The following ZNF76 variants were observed in gnomAD, a reference collection of about 807,000 sequenced individuals.
ZNF76 encodes zinc finger protein 76.
A neutral mutation model predicts 66.9 loss-of-function variants in ZNF76; 66 were observed. The ratio of observed to expected loss-of-function variants is 0.99; its 90% CI spans 0.81 to 1.21. The LOEUF (loss-of-function observed/expected upper bound fraction) is 1.21. ZNF76 is among the 50% of genes most tolerant of loss of function. ZNF76 has a pLI of 0.00. For synonymous variants in ZNF76, 275 were observed against 296.1 expected (o/e 0.93, Z 0.73); for missense variants, 729 against 760.3 (o/e 0.96, Z 0.48).
intron 1 of ZNF76, among the ~76,000 whole-genome samples, chr6:35,272,071 C>T (rs533483034): frequency 3.3e-5 from 5 of 152,294 alleles, no homozygotes; most frequent in South Asian, 4.1e-4. Flanking sequence ...TGCCACTGCA[C>T]TCCAGCCTGG....
At chr6:35,293,649 TA>T in intron 11 of ZNF76, 101 bp from the exon 12 acceptor site, 1 of 1,410,000 alleles carries the variant, frequency 7.1e-7, no homozygotes, top group Admixed American at 2.0e-5. Context: ...GACATGAAAC[TA>T]ATAAGCTGAC....
intron 1 of ZNF76, among the ~76,000 whole-genome samples, chr6:35,272,509 G>GTGTGTGTGTGTGTGTA (rs1357691368): frequency 1.1e-4 from 12 of 112,376 alleles, no homozygotes; most frequent in African/African-American, 2.8e-4. Flanking sequence ...GTGTGTGTGT[G>GTGTGTGTGTGTGTGTA]TGTATGTATA....
chr6:35,287,711 C>G lies in ZNF76; in HGVS notation c.298C>G (p.His100Asp). Reference protein sequence around the residue: ...LEDGSTAYIHHPVAVPSESTI... With the variant: ...LEDGSTAYIHDPVAVPSESTI... ...AGATGGCTCCACTGCCTACATTCAC[C>G]ACCCTGTGGCTGTGCCATCGGAGAG... The change falls in exon 5 of 14, where the codon CAC (histidine) becomes GAC (aspartate). Residue 100 changes from histidine (H) to aspartate (D), a missense_variant. His to Asp is a moderately conservative substitution (Grantham distance 81). Transcript: ENST00000373953. The surrounding 1 kb of genome is among the most constrained non-coding windows in gnomAD (Gnocchi z 4.0). The G allele has an allele frequency of 6.2e-7, 1 of 1,614,236 alleles. No homozygotes were observed. The highest frequency in any genetic ancestry group is 8.5e-7 in the Non-Finnish European group (1 of 1,180,020).
At chr6:35,275,957 G>A (rs1353834111) in intron 1 of ZNF76, among the ~76,000 whole-genome samples, 3 of 152,146 alleles carry the variant, frequency 2.0e-5, no homozygotes, top group Non-Finnish European at 4.4e-5. Context: ...AGGAAGAAGT[G>A]CGCCAGATAT....
chr6:35,280,080 C>G (rs542972746), intron 1 of ZNF76, among the ~76,000 whole-genome samples: 9 of 152,216 alleles, frequency 5.9e-5, no homozygotes, highest in Non-Finnish European at 1.3e-4. Flanking sequence ...ATCCTCCTGC[C>G]TCAGCCTCCC....
intron 7 of ZNF76, chr6:35,290,922 G>C (rs1790289283): frequency 3.3e-6 from 2 of 614,268 alleles, no homozygotes; most frequent in African/African-American, 1.8e-5. Flanking sequence ...GAGCCTGGAG[G>C]GTTGGTGGAG....
chr6:35,291,555 T>G lies in ZNF76; in HGVS notation c.752-3T>G. 6.2e-7 allele frequency: 1 copy of G among 1,611,304 alleles called. No individual in the cohort carries two copies. Among genetic ancestry groups the G allele is most frequent in the Non-Finnish European group, 8.5e-7 (1 of 1,177,668 alleles). On this transcript the variant is annotated splice_polypyrimidine_tract_variant and splice_region_variant and intron_variant, in intron 8 of 13. Coordinates refer to ENST00000373953, the MANE Select transcript of ZNF76 (RefSeq NM_003427.5). ...CCCTCCTCACATCCCACCATTTGCA[T>G]AGGTGAACGCCCGTTCCAGTGCCCT...
chr6:35,292,261 C>T lies in ZNF76; in HGVS notation c.932-293C>T. ...CTGCTGTTCACCATTCTCAACCTCC[C>T]ACCCTCAACCTTATAAGCCCCAGTG... On this transcript the variant is annotated intron_variant, in intron 9 of 13. Coordinates refer to ENST00000373953, the MANE Select transcript of ZNF76 (RefSeq NM_003427.5). The surrounding 1 kb of genome is among the most constrained non-coding windows in gnomAD (Gnocchi z 4.7). 1 of 501,604 alleles carries T rather than the reference C, an allele frequency of 2.0e-6. No homozygotes were observed. The highest frequency in any genetic ancestry group is 5.4e-4 in the Middle Eastern group (1 of 1,846). 31.1% of individuals were successfully genotyped at this position (501,604 alleles called of 1,614,324 possible). A position where few individuals can be genotyped will look rare whatever the true frequency, so the allele number is the denominator to read the frequency against.
intron 1 of ZNF76, among the ~76,000 whole-genome samples, chr6:35,262,472 C>T (rs1347175246): frequency 1.3e-5 from 2 of 152,140 alleles, no homozygotes; most frequent in African/African-American, 2.4e-5. Context: ...GAATCTTTGA[C>T]GCTTCCAGCC....
chr6:35,263,301 T>C (rs903890708), intron 1 of ZNF76, among the ~76,000 whole-genome samples: 4 of 152,186 alleles, frequency 2.6e-5, no homozygotes, highest in Non-Finnish European at 5.9e-5. Context: ...CCTCCCACTA[T>C]CCTATCCTGT....
At chr6:35,271,017 A>G (rs1046753845) in intron 1 of ZNF76, among the ~76,000 whole-genome samples, 3 of 151,924 alleles carry the variant, frequency 2.0e-5, no homozygotes, top group Non-Finnish European at 2.9e-5. Flanking sequence ...ATACCTAGCC[A>G]TTTTTTTCAT....
chr6:35,272,469 C>CTGTGTGTGTGTGTG (rs58456911), intron 1 of ZNF76, among the ~76,000 whole-genome samples: 2 of 149,650 alleles, frequency 1.3e-5, no homozygotes, highest in East Asian at 4.0e-4. Context: ...GACCCTGTTT[C>CTGTGTGTGTGTGTG]TGTGTGTGTG....
intron 1 of ZNF76, among the ~76,000 whole-genome samples, chr6:35,272,427 C>G (rs1221459259): frequency 6.6e-6 from 1 of 151,952 alleles, no homozygotes; most frequent in Non-Finnish European, 1.5e-5. Context: ...TATGATCATG[C>G]CGTTGCACTT....
intron 5 of ZNF76, 111 bp from the exon 6 acceptor site, chr6:35,290,155 C>T: frequency 1.4e-6 from 2 of 1,404,250 alleles, no homozygotes; most frequent in East Asian, 2.3e-5. Flanking sequence ...CCCCAGAGGC[C>T]CCTGACAGGT....
At chr6:35,293,944 CTTA>C (rs750812399) in intron 12 of ZNF76, 29 bp downstream of exon 12, 11 of 1,609,896 alleles carry the variant, frequency 6.8e-6, no homozygotes, top group Admixed American at 3.4e-5. Flanking sequence ...CTTGGGGTTT[CTTA>C]TTTTGTCATT....
In ZNF76 at chr6:35,266,740, A is replaced by G. The variant is rs115363491; in HGVS notation, c.-97+6899A>G. Reference sequence around the variant, plus strand: ...TCCTTTGGGACTCCTCTGGCAACGCAGGCCTCTGTCTCTTCATCTGCAAAA... The same window carrying G: ...TCCTTTGGGACTCCTCTGGCAACGCGGGCCTCTGTCTCTTCATCTGCAAAA... On this transcript the variant is annotated intron_variant, in intron 1 of 13. Coordinates refer to ENST00000373953, the MANE Select transcript of ZNF76 (RefSeq NM_003427.5). Among the ~76,000 whole-genome samples the G allele has an allele frequency of 7.3e-3, 1,100 of 150,700 alleles. 12 individuals carry two copies. The highest frequency in any genetic ancestry group is 0.026 in the African/African-American group (1,051 of 41,006).
At chr6:35,275,894 G>A (rs1260578821) in intron 1 of ZNF76, among the ~76,000 whole-genome samples, 2 of 152,180 alleles carry the variant, frequency 1.3e-5, no homozygotes, top group Admixed American at 6.5e-5. Context: ...AAGTTAACCC[G>A]TATTCAAGTG....
rs2150369017 is a variant in ZNF76 at position 35,287,727 on chromosome 6, C to A, written c.314C>A (p.Pro105Gln). 1.9e-6 allele frequency: 3 copies of A among 1,614,222 alleles called. No individual in the cohort carries two copies. Among genetic ancestry groups the A allele is most frequent in the East Asian group, 2.2e-5 (1 of 44,888 alleles). ...TAYIHHPVAV[P>Q]SESTILAVQT... ...TACATTCACCACCCTGTGGCTGTGCCATCGGAGAGCACCATCCTGGCCGTA... is the reference window on the plus strand; with the variant it reads ...TACATTCACCACCCTGTGGCTGTGCAATCGGAGAGCACCATCCTGGCCGTA... The change falls in exon 5 of 14, where the codon CCA becomes CAA. Residue 105 changes from proline to glutamine, a missense_variant. Pro to Gln is a moderately conservative substitution (Grantham distance 76). Transcript: ENST00000373953. This position sits in a 1 kb window ranked among gnomAD's most constrained non-coding sequence, Gnocchi z 4.0.
At chr6:35,280,275 C>A (rs1473750551) in intron 1 of ZNF76, among the ~76,000 whole-genome samples, 1 of 152,062 alleles carries the variant, frequency 6.6e-6, no homozygotes, top group Non-Finnish European at 1.5e-5. Flanking sequence ...GCAGGAAGAT[C>A]ACTTGAGCCC....
Sources: allele counts gnomAD v4.1 joint callset (sites outside exome capture counted in the v4.1 genomes callset), GRCh38; gene constraint gnomAD v4.1.1; non-coding constraint Gnocchi (gnomAD v3.1); transcripts MANE v1.5; gene names NCBI Gene and HGNC (gene_info 2026-07-23, HGNC 2026-07-21).